The following CBL variants were observed in gnomAD, a reference collection of about 807,000 sequenced individuals.
The protein encoded by CBL is E3 ubiquitin-protein ligase CBL.
Under a neutral mutation model 96.9 loss-of-function variants are expected in CBL, and 45 were observed. The ratio of observed to expected loss-of-function variants is 0.46; its 90% confidence interval spans 0.37 to 0.60. The LOEUF (loss-of-function observed/expected upper bound fraction) is 0.60. Ranked by LOEUF, CBL falls within the 20% of genes least tolerant of loss-of-function variation. CBL has a pLI of 0.00. For missense variants in CBL, 1,024 were observed against 1,143.5 expected, an observed-to-expected ratio of 0.90 and a Z score of 1.51; for synonymous variants, 420 against 426.8, an observed-to-expected ratio of 0.98 and a Z score of 0.20.
At chr11:119,245,034 G>C in intron 2 of CBL, among the ~76,000 whole-genome samples, 1 of 151,864 alleles carries the variant, frequency 6.6e-6, no homozygotes, top group Non-Finnish European at 1.5e-5. Context: ...ACCATGCCTG[G>C]GCAGTTTTTT....
chr11:119,207,750 T>C (rs889267697), intron 1 of CBL, among the ~76,000 whole-genome samples: 4 of 152,224 alleles, frequency 2.6e-5, no homozygotes, highest in African/African-American at 9.6e-5. Context: ...TGAAAAGTGA[T>C]TAGAAGTATC....
chr11:119,229,108 CTA>C lies in CBL; in HGVS notation c.196-3339_196-3338del, dbSNP rs953862820. ...TTCAGTTTTTGCTAGATCTTAATCTCTAGTTACAGTGTCGGTCTTCCCCACTT... is the reference window on the plus strand; with the variant it reads ...TTCAGTTTTTGCTAGATCTTAATCTCGTTACAGTGTCGGTCTTCCCCACTT... On this transcript the variant is annotated intron_variant, in intron 1 of 15. Transcript: ENST00000264033. 7.5e-4 allele frequency among the ~76,000 whole-genome samples: 114 copies of C among 152,262 alleles called. 1 individual carries two copies. Among genetic ancestry groups the C allele is most frequent in the African/African-American group, 2.4e-3 (100 of 41,564 alleles).
At chr11:119,273,627 T>A (rs1315749413) in intron 3 of CBL, among the ~76,000 whole-genome samples, 2 of 152,180 alleles carry the variant, frequency 1.3e-5, no homozygotes, top group Admixed American at 6.5e-5. Flanking sequence ...TATTGCCCAG[T>A]CTGGGCTCAA....
chr11:119,207,110 C>T (rs182862933), intron 1 of CBL, among the ~76,000 whole-genome samples: 24 of 152,176 alleles, frequency 1.6e-4, no homozygotes, highest in African/African-American at 4.8e-4. Context: ...CAGGACAGCT[C>T]TCAGGGAAGC....
intron 7 of CBL, 99 bp from the exon 8 acceptor site, chr11:119,278,067 C>T (rs1949903059): frequency 9.0e-7 from 1 of 1,114,418 alleles, no homozygotes; most frequent in Non-Finnish European, 1.3e-6. Flanking sequence ...TTTATATAAG[C>T]AAAATTTGTA....
chr11:119,271,203 A>G (rs1424118904), intron 2 of CBL, among the ~76,000 whole-genome samples: 5 of 152,162 alleles, frequency 3.3e-5, no homozygotes, highest in African/African-American at 1.2e-4. Flanking sequence ...GTTTCCTAAC[A>G]TTTTTTCTTC....
At chr11:119,242,648 G>C (rs1592382077) in intron 2 of CBL, among the ~76,000 whole-genome samples, 1 of 148,426 alleles carries the variant, frequency 6.7e-6, no homozygotes, top group Admixed American at 6.8e-5. Context: ...ATGCATACCT[G>C]AAGTCCCAGC....
intron 2 of CBL, among the ~76,000 whole-genome samples, chr11:119,238,865 T>C (rs547161970): frequency 1.4e-4 from 21 of 152,302 alleles, no homozygotes; most frequent in Admixed American, 1.0e-3. Flanking sequence ...TTGGTAGATA[T>C]TGTATTAGAT....
Position 119,303,144 on chromosome 11 carries a change from G to A in CBL, c.*3363G>A, listed in dbSNP as rs1226239203. 1 of 231,292 alleles carries A rather than the reference G, an allele frequency of 4.3e-6. No individual in the cohort carries two copies. Among genetic ancestry groups the A allele is most frequent in the African/African-American group, 2.2e-5 (1 of 45,160 alleles). The allele number at this position is 231,292 out of a possible 1,614,324, so 14.3% of individuals were successfully genotyped here. On this transcript the variant is annotated 3_prime_UTR_variant, in exon 16 of 16. Transcript: ENST00000264033. ...AACAAAATTTCCTTGTAAAAACTAG[G>A]GACCATCTATATATTCCCTTTAAGA...
intron 2 of CBL, among the ~76,000 whole-genome samples, chr11:119,267,454 A>C (rs1446188593): frequency 6.6e-6 from 1 of 151,950 alleles, no homozygotes; most frequent in Non-Finnish European, 1.5e-5. Flanking sequence ...TTTTCGGTAG[A>C]AAATTATTTT....
intron 1 of CBL, among the ~76,000 whole-genome samples, chr11:119,218,345 C>T (rs1893033): frequency 0.065 from 9,931 of 152,112 alleles, 621 homozygotes; most frequent in South Asian, 0.32. Flanking sequence ...GAACTTTAGA[C>T]CAGTCAGGCT....
intron 1 of CBL, among the ~76,000 whole-genome samples, chr11:119,228,197 C>T (rs1315256102): frequency 3.3e-5 from 5 of 152,098 alleles, no homozygotes; most frequent in African/African-American, 1.2e-4. Context: ...CTGACTGCAA[C>T]CTCCGCCTCA....
chr11:119,270,296 G>A (rs1294440416), intron 2 of CBL, among the ~76,000 whole-genome samples: 1 of 142,148 alleles, frequency 7.0e-6, no homozygotes, highest in Non-Finnish European at 1.5e-5. Context: ...CCAGGCTGGA[G>A]TGCAGTGACA....
intron 1 of CBL, among the ~76,000 whole-genome samples, chr11:119,217,685 G>T (rs1386277293): frequency 2.6e-5 from 4 of 152,050 alleles, no homozygotes; most frequent in South Asian, 2.1e-4. Context: ...TAAGCTTGGC[G>T]GATTTTTTTT....
In CBL at chr11:119,236,060, T is replaced by G. The variant is rs150536412; in HGVS notation, c.443+3365T>G. The stretch of plus-strand genomic sequence containing the variant: ...TTTTTTTTCCTATTCAGTTTTTAAA[T>G]TGAGATATAATTCACATACCATAAA... On this transcript the variant is annotated intron_variant, in intron 2 of 15. Transcript: ENST00000264033. Among the ~76,000 whole-genome samples the G allele has an allele frequency of 7.4e-3, 1,131 of 152,242 alleles. 12 individuals carry two copies. Among genetic ancestry groups the G allele is most frequent in the African/African-American group, 0.022 (918 of 41,546 alleles).
intron 1 of CBL, among the ~76,000 whole-genome samples, chr11:119,225,118 C>CA (rs1420042705): frequency 1.3e-5 from 2 of 150,182 alleles, no homozygotes; most frequent in Non-Finnish European, 3.0e-5. Flanking sequence ...TTATTTGAGA[C>CA]AGAGTCTTGC....
At chr11:119,277,431 T>C (rs1240123263) in intron 6 of CBL, among the ~76,000 whole-genome samples, 1 of 152,148 alleles carries the variant, frequency 6.6e-6, no homozygotes, top group Non-Finnish European at 1.5e-5. Context: ...CAGACTAATG[T>C]GGCCTACAAA....
intron 1 of CBL, among the ~76,000 whole-genome samples, chr11:119,225,719 A>ATTTT (rs1216251558): frequency 1.5e-5 from 1 of 66,176 alleles, no homozygotes. Context: ...CAATATAAAT[A>ATTTT]TTTTCTTTTT....
intron 6 of CBL, among the ~76,000 whole-genome samples, chr11:119,277,272 T>C (rs200706457): frequency 0.016 from 1,461 of 90,316 alleles, 11 homozygotes; most frequent in East Asian, 0.052. Flanking sequence ...CACACACACA[T>C]AAAGAATTTC....
Sources: allele counts gnomAD v4.1 joint callset (sites outside exome capture counted in the v4.1 genomes callset), GRCh38; gene constraint gnomAD v4.1.1; transcripts MANE v1.5; gene names NCBI Gene and HGNC (gene_info 2026-07-23, HGNC 2026-07-21).